NUGGC: variants seen among roughly 807,000 people sequenced by gnomAD.
The protein encoded by NUGGC is nuclear GTPase, germinal center associated.
In NUGGC, 58 loss-of-function variants were observed where a neutral mutation model predicts 92.6. That is an observed-to-expected ratio of 0.63 (90% CI 0.51 to 0.78). NUGGC has a LOEUF of 0.78. NUGGC is among the 30% of genes least tolerant of loss of function. The pLI is 0.00. For missense variants in NUGGC, 925 were observed against 964.6 expected, an observed-to-expected ratio of 0.96 and a Z score of 0.54; for synonymous variants, 376 against 366.4, an observed-to-expected ratio of 1.03 and a Z score of -0.30.
At chr8:28,045,889 G>A (rs578261763) in intron 11 of NUGGC, among the ~76,000 whole-genome samples, 1 of 152,258 alleles carries the variant, frequency 6.6e-6, no homozygotes, top group East Asian at 1.9e-4. Flanking sequence ...ATTTTATTTA[G>A]CCGTATTAAA....
chr8:28,040,579 C>T (rs1474026584), intron 13 of NUGGC, among the ~76,000 whole-genome samples: 2 of 152,080 alleles, frequency 1.3e-5, no homozygotes, highest in Non-Finnish European at 2.9e-5. Context: ...CACAGATGAA[C>T]AACTGTTATG....
At chr8:28,048,799 G>T (rs1167885181) in intron 10 of NUGGC, among the ~76,000 whole-genome samples, 1 of 149,614 alleles carries the variant, frequency 6.7e-6, no homozygotes, top group Non-Finnish European at 1.5e-5. Context: ...GGAGGTAGAG[G>T]TTGCAATGAG....
chr8:28,040,963 T>G, intron 13 of NUGGC, 88 bp downstream of exon 13: 1 of 1,332,374 alleles, frequency 7.5e-7, no homozygotes, highest in Non-Finnish European at 1.0e-6. Flanking sequence ...CTTTACCTCT[T>G]TTGAAGGGAA....
At chr8:28,030,250 C>A in intron 16 of NUGGC, 60 bp downstream of exon 16, 1 of 928,702 alleles carries the variant, frequency 1.1e-6, no homozygotes, top group Non-Finnish European at 1.7e-6. Flanking sequence ...GAAAAGGATG[C>A]GAAAGATGCT....
intron 13 of NUGGC, among the ~76,000 whole-genome samples, chr8:28,036,971 C>T (rs2130105027): frequency 6.6e-6 from 1 of 152,352 alleles, no homozygotes; most frequent in South Asian, 2.1e-4. Flanking sequence ...GGATCACCCA[C>T]ATGAGCTTGT....
At position 28,023,247 on chromosome 8, in the gene NUGGC, A is replaced by T. The variant is rs181474600; in HGVS notation, c.*70T>A. On this transcript the variant is annotated 3_prime_UTR_variant, in exon 19 of 19. Transcript: ENST00000413272. ...AGGTAGATAGATCTTGTCTCTTAAG[A>T]ACAAAAAAAGTAATTCTAATTCTCT... 2.7e-6 allele frequency: 4 copies of T among 1,502,556 alleles called. No individual in the cohort carries two copies. The East Asian group carries it at 9.6e-5, about 36-fold the overall frequency. The allele number at this position is 1,502,556 out of a possible 1,614,324, so 93.1% of individuals were successfully genotyped here.
chr8:28,060,299 T>C (rs1294986010), intron 8 of NUGGC, 127 bp downstream of exon 8: 1 of 951,162 alleles, frequency 1.1e-6, no homozygotes, highest in African/African-American at 1.6e-5. Flanking sequence ...TTTTCTTTCC[T>C]CCCCAACAAT....
At chr8:28,059,823 A>G (rs1563225896) in intron 8 of NUGGC, among the ~76,000 whole-genome samples, 2 of 152,074 alleles carry the variant, frequency 1.3e-5, no homozygotes, top group Admixed American at 6.6e-5. Flanking sequence ...GGAGTTCAAG[A>G]CCACCCCGGC....
In NUGGC at chr8:28,050,410, AGAAAG is replaced by A. The variant is rs772531437; in HGVS notation, c.1207-2803_1207-2799del. ...AAAAAAAAGAAAAAAGGAAAGGAAAAGAAAGGAAAGGAAAGGAAAGGAAGAAAGAA... is the reference window on the plus strand; with the variant it reads ...AAAAAAAAGAAAAAAGGAAAGGAAAAGAAAGGAAAGGAAAGGAAGAAAGAA... On this transcript the variant is annotated intron_variant, in intron 10 of 18. Transcript: ENST00000413272. 2.3e-4 allele frequency among the ~76,000 whole-genome samples: 35 copies of A among 152,208 alleles called. No individual in the cohort carries two copies. The East Asian group carries it at 5.4e-3, about 23-fold the overall frequency.
intron 2 of NUGGC, among the ~76,000 whole-genome samples, chr8:28,073,341 G>A (rs1028841135): frequency 1.3e-5 from 2 of 151,784 alleles, no homozygotes; most frequent in Admixed American, 6.6e-5. Context: ...CAAGCAAAAC[G>A]ATCCCATTCC....
chr8:28,069,446 T>C, intron 4 of NUGGC, 98 bp downstream of exon 4: 1 of 652,364 alleles, frequency 1.5e-6, no homozygotes, highest in Non-Finnish European at 2.7e-6. Context: ...TCTTAGTTTC[T>C]AATTAAATAG....
chr8:28,053,594 G>A (rs1286721626), intron 10 of NUGGC, among the ~76,000 whole-genome samples: 1 of 152,212 alleles, frequency 6.6e-6, no homozygotes, highest in East Asian at 1.9e-4. Flanking sequence ...TGCCATCAGA[G>A]GTGTGGGTTT....
In NUGGC at chr8:28,068,375, T is replaced by C; in HGVS notation, c.321A>G (p.Gly107=). 3 of 1,583,160 alleles carry C rather than the reference T, an allele frequency of 1.9e-6. No individual in the cohort carries two copies. Among genetic ancestry groups the C allele is most frequent in the Non-Finnish European group, 2.6e-6 (3 of 1,163,928 alleles). Residue 107 remains glycine (G), a synonymous_variant, in exon 5 of 19, where the codon GGA becomes GGG. Coordinates refer to ENST00000413272, the MANE Select transcript of NUGGC (RefSeq NM_001010906.2). ...GGGAGCTCTTCCCAGCCCCAGTGCT[T>C]CCAAATAATGCAATGTAGATTGGGT... ...TVDPIYIALF[G]STGAGKSSLI...
At chr8:28,045,720 T>G in intron 11 of NUGGC, 60 bp from the exon 12 acceptor site, 1 of 1,555,218 alleles carries the variant, frequency 6.4e-7, no homozygotes, top group East Asian at 2.3e-5. Context: ...GTCAATAGAA[T>G]TCATAAAAGT....
At chr8:28,028,629 G>T (rs1010060907) in intron 17 of NUGGC, among the ~76,000 whole-genome samples, 6 of 152,098 alleles carry the variant, frequency 3.9e-5, no homozygotes, top group African/African-American at 1.4e-4. Flanking sequence ...GGGGAAAGGG[G>T]GTGGCAAGCC....
chr8:28,071,493 A>C (rs1358544406), intron 2 of NUGGC, among the ~76,000 whole-genome samples: 1 of 152,164 alleles, frequency 6.6e-6, no homozygotes, highest in Non-Finnish European at 1.5e-5. Context: ...AATTTGGGGA[A>C]ATTTTTTCCC....
intron 1 of NUGGC, among the ~76,000 whole-genome samples, chr8:28,076,317 G>A (rs1283930426): frequency 6.6e-6 from 1 of 152,172 alleles, no homozygotes; most frequent in Non-Finnish European, 1.5e-5. Flanking sequence ...TTGTTTGCTT[G>A]TGACAGAGTC....
At chr8:28,028,356 A>AG (rs1411531784) in intron 17 of NUGGC, among the ~76,000 whole-genome samples, 1 of 152,238 alleles carries the variant, frequency 6.6e-6, no homozygotes, top group Non-Finnish European at 1.5e-5. Context: ...GCCTACTCCA[A>AG]GGGGAATTAC....
chr8:28,067,578 A>G lies in NUGGC; in HGVS notation c.647T>C (p.Leu216Ser), dbSNP rs756241353. The G allele has an allele frequency of 5.6e-6, 9 of 1,613,534 alleles. No homozygotes were observed. The highest frequency in any genetic ancestry group is 6.8e-6 in the Non-Finnish European group (8 of 1,179,756). Residue 216 changes from leucine (L) to serine (S), a missense_variant, in exon 6 of 19, where the codon TTA becomes TCA. Leu to Ser is a moderately radical substitution (Grantham distance 145). Coordinates refer to ENST00000413272, the MANE Select transcript of NUGGC (RefSeq NM_001010906.2). ...NGAESKNYEE[L>S]LRAKPKRKIP... ...CTTCCTTTTGGGCTTCGCCCTCAGT[A>G]ACTCCTCATAGTTCTTACTCTCTGC... is the stretch of plus-strand genomic sequence containing the variant.
Sources: gnomAD v4.1 joint callset for allele counts (sites outside exome capture counted in the v4.1 genomes callset) on GRCh38, gnomAD v4.1.1 for gene constraint, MANE v1.5 for transcripts, NCBI Gene and HGNC (gene_info 2026-07-23, HGNC 2026-07-21) for gene names.